Variants in PRKN observed in about 807,000 individuals in gnomAD.
PRKN encodes E3 ubiquitin-protein ligase parkin.
A neutral mutation model predicts 59.5 loss-of-function variants in PRKN; 56 were observed. That is an observed-to-expected ratio of 0.94 (90% CI 0.76 to 1.18). PRKN has a LOEUF of 1.18. PRKN is among the 50% of genes most tolerant of loss of function. The probability of loss-of-function intolerance (pLI) is 0.00; values close to 1 mark genes in which losing one functional copy is unlikely to be tolerated. For synonymous variants in PRKN, 250 were observed against 222.1 expected, an observed-to-expected ratio of 1.13 and a Z score of -1.12; for missense variants, 657 against 596.4, an observed-to-expected ratio of 1.10 and a Z score of -1.06.
chr6:162,006,991 T>C (rs1177524775), intron 5 of PRKN, among the ~76,000 whole-genome samples: 1 of 152,074 alleles, frequency 6.6e-6, no homozygotes, highest in African/African-American at 2.4e-5. Context: ...AAAAATTATA[T>C]ATACAAGTAA....
chr6:161,644,945 G>C (rs13201737), intron 7 of PRKN, among the ~76,000 whole-genome samples: 33,448 of 152,160 alleles, frequency 0.22, 4,111 homozygotes, highest in Middle Eastern at 0.35. Flanking sequence ...GGAAGCAGAA[G>C]TAGGGGTAAG....
chr6:161,489,860 C>T (rs1777483676), intron 9 of PRKN, among the ~76,000 whole-genome samples: 2 of 152,202 alleles, frequency 1.3e-5, no homozygotes, highest in Admixed American at 6.5e-5. Flanking sequence ...TGCAGGAACT[C>T]CCCAGTTCTT....
intron 7 of PRKN, among the ~76,000 whole-genome samples, chr6:161,570,573 C>T (rs1780850500): frequency 6.6e-6 from 1 of 151,812 alleles, no homozygotes; most frequent in African/African-American, 2.4e-5. Flanking sequence ...TCTGCTTTCA[C>T]TTAATGGATA....
At chr6:162,475,520 C>T (rs1172632609) in intron 1 of PRKN, among the ~76,000 whole-genome samples, 2 of 152,156 alleles carry the variant, frequency 1.3e-5, no homozygotes, top group South Asian at 2.1e-4. Flanking sequence ...ACGTAAGAAC[C>T]GCGCAGGTAC....
At chr6:162,010,779 A>T (rs1424476312) in intron 5 of PRKN, among the ~76,000 whole-genome samples, 1 of 8,090 alleles carries the variant, frequency 1.2e-4, no homozygotes, top group Non-Finnish European at 1.5e-4. Context: ...TATATAATAT[A>T]TTATATAATA....
chr6:161,764,971 C>T (rs1472045406), intron 7 of PRKN, among the ~76,000 whole-genome samples: 2 of 152,200 alleles, frequency 1.3e-5, no homozygotes, highest in African/African-American at 2.4e-5. Context: ...TACTACCACA[C>T]CAGGTTCCTT....
intron 7 of PRKN, among the ~76,000 whole-genome samples, chr6:161,756,441 C>CG (rs536540811): frequency 0.012 from 193 of 16,070 alleles, 45 homozygotes; most frequent in African/African-American, 0.035. Context: ...AACCTTGTCT[C>CG]GAAAAAAAAA....
intron 3 of PRKN, among the ~76,000 whole-genome samples, chr6:162,245,318 T>G (rs1779154411): frequency 6.6e-6 from 1 of 152,056 alleles, no homozygotes; most frequent in African/African-American, 2.4e-5. Context: ...TTGACAAGAT[T>G]TGTATCTAGT....
chr6:161,651,829 A>C (rs557452578), intron 7 of PRKN, among the ~76,000 whole-genome samples: 46 of 152,318 alleles, frequency 3.0e-4, no homozygotes, highest in Non-Finnish European at 2.9e-5. Flanking sequence ...CACCCTTACC[A>C]AGAGCCCTGA....
chr6:162,140,314 G>T (rs1303905917), intron 4 of PRKN, among the ~76,000 whole-genome samples: 1 of 152,132 alleles, frequency 6.6e-6, no homozygotes, highest in Non-Finnish European at 1.5e-5. Context: ...AGAAACATAT[G>T]GCAGGTAATC....
chr6:161,767,357 C>CA (rs1789468280), intron 7 of PRKN, among the ~76,000 whole-genome samples: 1 of 152,086 alleles, frequency 6.6e-6, no homozygotes, highest in African/African-American at 2.4e-5. Context: ...ACTAAAAATA[C>CA]AAAAACAAAA....
chr6:162,615,438 ATGAGATGGAT>A (rs2128219678), intron 1 of PRKN, among the ~76,000 whole-genome samples: 1 of 76,152 alleles, frequency 1.3e-5, no homozygotes, highest in South Asian at 3.6e-4. Context: ...CTCAATTTCC[ATGAGATGGAT>A]TTTTTTTTTA....
intron 6 of PRKN, among the ~76,000 whole-genome samples, chr6:161,902,459 T>C (rs1040209863): frequency 6.6e-6 from 1 of 152,120 alleles, no homozygotes; most frequent in African/African-American, 2.4e-5. Flanking sequence ...CTCAAAATAA[T>C]TATATTTTTA....
intron 4 of PRKN, among the ~76,000 whole-genome samples, chr6:162,147,030 C>CT: frequency 6.7e-6 from 1 of 150,072 alleles, no homozygotes; most frequent in South Asian, 2.2e-4. Flanking sequence ...CGTGCCCGGC[C>CT]TTTTTTTATT....
intron 9 of PRKN, among the ~76,000 whole-genome samples, chr6:161,443,459 A>AGCGC (rs1238533868): frequency 6.6e-5 from 10 of 152,198 alleles, no homozygotes; most frequent in African/African-American, 2.4e-4. Flanking sequence ...GGTACCACGA[A>AGCGC]GCGCCACAGG....
chr6:162,244,339 C>T (rs910515828), intron 3 of PRKN, among the ~76,000 whole-genome samples: 1 of 151,516 alleles, frequency 6.6e-6, no homozygotes, highest in African/African-American at 2.4e-5. Context: ...GATGGAGATA[C>T]ACAATATGCT....
At chr6:161,981,397 C>T (rs567666145) in intron 5 of PRKN, among the ~76,000 whole-genome samples, 1 of 152,184 alleles carries the variant, frequency 6.6e-6, no homozygotes, top group African/African-American at 2.4e-5. Context: ...TAAAACATGT[C>T]AGCTGGGTAG....
chr6:162,596,870 G>C (rs912040473), intron 1 of PRKN, among the ~76,000 whole-genome samples: 2 of 152,204 alleles, frequency 1.3e-5, no homozygotes, highest in African/African-American at 2.4e-5. Context: ...CCAAGGAAAG[G>C]AAGCTTCATG....
chr6:162,181,127 G>T (rs1308671946), intron 4 of PRKN, among the ~76,000 whole-genome samples: 2 of 152,190 alleles, frequency 1.3e-5, no homozygotes, highest in Admixed American at 1.3e-4. Flanking sequence ...GGAGGGGAGT[G>T]GGCTGACCGA....
Sources: allele counts gnomAD v4.1 joint callset (sites outside exome capture counted in the v4.1 genomes callset), GRCh38; gene constraint gnomAD v4.1.1; transcripts MANE v1.5; gene names NCBI Gene and HGNC (gene_info 2026-07-23, HGNC 2026-07-21).